The following USP7 variants were observed in gnomAD, a reference collection of about 807,000 sequenced individuals.
The protein encoded by USP7 is ubiquitin specific peptidase 7.
Under a neutral mutation model 162.9 loss-of-function variants are expected in USP7, and 9 were observed. That is an observed-to-expected ratio of 0.06 (90% confidence interval 0.03 to 0.10). The LOEUF is 0.10. USP7 is among the 10% of genes least tolerant of loss of function. The pLI, the probability that USP7 is intolerant of heterozygous loss-of-function variation, is 1.00. For missense variants in USP7, 715 were observed against 1,373.7 expected, an observed-to-expected ratio of 0.52 and a Z score of 7.58; for synonymous variants, 562 against 475.9, an observed-to-expected ratio of 1.18 and a Z score of -2.35.
intron 1 of USP7, among the ~76,000 whole-genome samples, chr16:8,951,855 C>T (rs539202446): frequency 4.6e-5 from 7 of 152,320 alleles, no homozygotes; most frequent in African/African-American, 9.6e-5. Context: ...AATCTACCAA[C>T]GTGCGTTATT....
At chr16:8,932,581 C>T (rs1202580516) in intron 1 of USP7, among the ~76,000 whole-genome samples, 3 of 151,128 alleles carry the variant, frequency 2.0e-5, no homozygotes, top group Admixed American at 1.3e-4. Context: ...TTAACTAGCT[C>T]AAATGCTCCA....
intron 1 of USP7, among the ~76,000 whole-genome samples, chr16:8,934,242 A>G (rs768864444): frequency 9.8e-5 from 15 of 152,336 alleles, no homozygotes; most frequent in Non-Finnish European, 2.9e-5. Context: ...TAAGCAGTCT[A>G]AAGTGTGGAA....
intron 1 of USP7, among the ~76,000 whole-genome samples, chr16:8,957,734 GCAA>G (rs751413670): frequency 1.1e-4 from 16 of 151,048 alleles, no homozygotes; most frequent in Non-Finnish European, 1.9e-4. Flanking sequence ...TACAGCCAGA[GCAA>G]CAGAGCAAGA....
At chr16:8,915,185 G>T in intron 10 of USP7, 69 bp downstream of exon 10, 2 of 1,386,414 alleles carry the variant, frequency 1.4e-6, no homozygotes, top group South Asian at 1.3e-5. Flanking sequence ...CATCACTTGT[G>T]TAAATGAAAC....
chr16:8,961,395 G>A (rs755269881), intron 1 of USP7, among the ~76,000 whole-genome samples: 20 of 151,044 alleles, frequency 1.3e-4, no homozygotes, highest in Non-Finnish European at 2.5e-4. Flanking sequence ...GGGAGGCTGA[G>A]GCAGGAAAAT....
At chr16:8,913,383 G>C (rs563049068) in intron 10 of USP7, among the ~76,000 whole-genome samples, 2 of 151,992 alleles carry the variant, frequency 1.3e-5, no homozygotes, top group South Asian at 4.1e-4. Context: ...GGGAAGACAG[G>C]AGAGAAGAGA....
At chr16:8,961,515 G>GGT (rs1555472817) in intron 1 of USP7, among the ~76,000 whole-genome samples, 3 of 115,564 alleles carry the variant, frequency 2.6e-5, no homozygotes, top group Admixed American at 9.3e-5. Context: ...GGGGGGGGGG[G>GGT]GCAAATACCT....
Position 8,910,784 on chromosome 16 carries a change from A to T in USP7, c.1122T>A (p.Asp374Glu). The part of the protein sequence containing the change: ...FVDYVAVEQL[D>E]GDNKYDAGEH... ...CCCCAGCGTCGTATTTATTGTCCCC[A>T]TCGAGCTGTTCTACTGCCACATAAT... Residue 374 changes from aspartate to glutamate, a missense_variant, in exon 11 of 31, where the codon GAT (aspartate) becomes GAA (glutamate). This residue lies in a region of USP7 where 21 missense variants were observed against 23.8 expected (regional missense o/e 0.88). Transcript: ENST00000344836. 6.2e-7 allele frequency: 1 copy of T among 1,614,194 alleles called. No homozygotes were observed. The highest frequency in any genetic ancestry group is 8.5e-7 in the Non-Finnish European group (1 of 1,180,034).
chr16:8,920,849 C>A (rs1897651284), intron 4 of USP7, among the ~76,000 whole-genome samples: 1 of 152,180 alleles, frequency 6.6e-6, no homozygotes, highest in Non-Finnish European at 1.5e-5. Context: ...TTACTGGAGT[C>A]ACATGGAACC....
chr16:8,930,796 C>A (rs554136712), intron 1 of USP7, among the ~76,000 whole-genome samples: 3 of 152,054 alleles, frequency 2.0e-5, no homozygotes, highest in Non-Finnish European at 4.4e-5. Flanking sequence ...TGGTGAAACC[C>A]CGTCTCTACT....
intron 27 of USP7, 96 bp from the exon 28 acceptor site, chr16:8,895,246 A>G (rs1171727278): frequency 6.3e-6 from 10 of 1,578,230 alleles, no homozygotes; most frequent in African/African-American, 2.7e-5. Flanking sequence ...CCCGGAGGGT[A>G]AAGCCTATTT....
chr16:8,956,789 A>C (rs28528233), intron 1 of USP7, among the ~76,000 whole-genome samples: 2,703 of 143,072 alleles, frequency 0.019, 79 homozygotes, highest in African/African-American at 0.074. Context: ...AAAAAAAAAA[A>C]CACTGAATTT....
Position 8,893,758 on chromosome 16 carries a change from G to A in USP7, c.*240C>T, listed in dbSNP as rs928556023. The A allele has an allele frequency of 6.4e-6, 3 of 466,516 alleles. No homozygotes were observed. Among genetic ancestry groups the A allele is most frequent in the African/African-American group, 4.0e-5 (2 of 50,592 alleles). The allele number at this position is 466,516 out of a possible 1,614,324, so 28.9% of individuals were successfully genotyped here. A position where few individuals can be genotyped will look rare whatever the true frequency, so the allele number is the denominator to read the frequency against. ...TGCGCTGACAGTTGCCTTGCACTGT[G>A]GTTACCATAAAATAACTCTCATTGG... is the stretch of plus-strand genomic sequence containing the variant. On this transcript the variant is annotated 3_prime_UTR_variant, in exon 31 of 31. Transcript: ENST00000344836.
rs534703113 is a variant in USP7, at chr16:8,958,727, G to A, written c.79+4480C>T. On this transcript the variant is annotated intron_variant, in intron 1 of 30. Transcript: ENST00000344836. ...CATCGCAGGGAGCTCTAGCACTCACGCAAGAATCATCAGAAGGCCACCAGG... is the reference window on the plus strand; with the variant it reads ...CATCGCAGGGAGCTCTAGCACTCACACAAGAATCATCAGAAGGCCACCAGG... Among the ~76,000 whole-genome samples, 15 of 152,328 alleles carry A rather than the reference G, an allele frequency of 9.8e-5. No individual in the cohort carries two copies. In the South Asian group the frequency reaches 1.7e-3, roughly 17 times the overall value.
At chr16:8,948,517 T>C (rs2141258369) in intron 1 of USP7, among the ~76,000 whole-genome samples, 1 of 152,264 alleles carries the variant, frequency 6.6e-6, no homozygotes, top group East Asian at 1.9e-4. Flanking sequence ...GTGAAGCATA[T>C]TCCTAACTGC....
chr16:8,920,948 T>A (rs7199803), intron 4 of USP7, among the ~76,000 whole-genome samples: 93,109 of 152,154 alleles, frequency 0.61, 28,675 homozygotes, highest in East Asian at 0.71. Flanking sequence ...TCCCTTTGAA[T>A]GTCTGACTAA....
chr16:8,955,081 C>G (rs1463203035), intron 1 of USP7, among the ~76,000 whole-genome samples: 1 of 152,238 alleles, frequency 6.6e-6, no homozygotes, highest in African/African-American at 2.4e-5. Context: ...CACCTATACC[C>G]ACTTTCTATG....
In USP7 at chr16:8,900,898, A is replaced by T. The variant is rs543306392; in HGVS notation, c.2208+92T>A. On this transcript the variant is annotated intron_variant, in intron 20 of 30. Transcript: ENST00000344836. ...GGCCCTGAGTTAGCTGGTAGACCTA[A>T]CACTGTAACAAATTCGGGGTAAAAA... is the stretch of plus-strand genomic sequence containing the variant. 99 of 1,320,792 alleles carry T rather than the reference A, an allele frequency of 7.5e-5. No individual in the cohort carries two copies. The East Asian group carries it at 1.6e-3, about 22-fold the overall frequency. 81.8% of individuals were successfully genotyped at this position (1,320,792 alleles called of 1,614,324 possible).
intron 22 of USP7, 198 bp from the exon 23 acceptor site, chr16:8,899,386 G>C (rs1379331067): frequency 3.9e-6 from 3 of 766,944 alleles, no homozygotes; most frequent in Non-Finnish European, 6.2e-6. Flanking sequence ...ACTTTGGAAA[G>C]GGTTTTCACT....
Sources: gnomAD v4.1 joint callset for allele counts (sites outside exome capture counted in the v4.1 genomes callset) on GRCh38, gnomAD v4.1.1 for gene constraint, gnomAD v4.1.1 regional missense constraint, MANE v1.5 for transcripts, NCBI Gene and HGNC (gene_info 2026-07-23, HGNC 2026-07-21) for gene names.